Variants in AGPAT4 observed in about 807,000 individuals in gnomAD.
AGPAT4 encodes 1-acylglycerol-3-phosphate O-acyltransferase 4.
A neutral mutation model predicts 48.0 loss-of-function variants in AGPAT4; 15 were observed. The ratio of observed to expected loss-of-function variants is 0.31; its 90% confidence interval spans 0.21 to 0.48. The LOEUF is 0.48. Ranked by LOEUF, AGPAT4 falls within the 20% of genes least tolerant of loss-of-function variation. The pLI, the probability that AGPAT4 is intolerant of heterozygous loss-of-function variation, is 0.99. For missense variants in AGPAT4, 314 were observed against 482.5 expected, an observed-to-expected ratio of 0.65 and a Z score of 3.27; for synonymous variants, 178 against 198.7, an observed-to-expected ratio of 0.90 and a Z score of 0.88.
rs1781762236 is a variant in AGPAT4, at chr6:161,219,849, A to AGAT, written c.178+12184_178+12186dup. 8.7e-6 allele frequency among the ~76,000 whole-genome samples: 1 copy of AGAT among 114,794 alleles called. No individual in the cohort carries two copies. Among genetic ancestry groups the AGAT allele is most frequent in the African/African-American group, 3.7e-5 (1 of 26,946 alleles). 75.3% of individuals were successfully genotyped at this position (114,794 alleles called of 152,430 possible). ...GAGATAGATAGATAGATAGATAGAT[A>AGAT]GATAGATAGATAGATAGATAGATAG... On this transcript the variant is annotated intron_variant, in intron 2 of 8. Coordinates refer to ENST00000320285, the MANE Select transcript of AGPAT4 (RefSeq NM_020133.3). The surrounding 1 kb of genome is among the most constrained non-coding windows in gnomAD (Gnocchi z 4.9).
intron 2 of AGPAT4, among the ~76,000 whole-genome samples, chr6:161,224,133 G>A (rs1349700369): frequency 6.6e-6 from 1 of 152,042 alleles, no homozygotes; most frequent in East Asian, 1.9e-4. Context: ...ATTCCATTTG[G>A]CATGCTGACT....
rs1199703143 is a variant in AGPAT4 at position 161,219,889 on chromosome 6, AGGCAGGCAGGCAGGCAGGCAGGCAGGC to A, written c.178+12120_178+12146del. On this transcript the variant is annotated intron_variant, in intron 2 of 8. Coordinates refer to ENST00000320285, the MANE Select transcript of AGPAT4 (RefSeq NM_020133.3). The surrounding 1 kb of genome is among the most constrained non-coding windows in gnomAD (Gnocchi z 4.9). The stretch of plus-strand genomic sequence containing the variant: ...TAGATAGATAGGCAGGCAGGCAGGC[AGGCAGGCAGGCAGGCAGGCAGGCAGGC>A]GGCAGGCAGGCAGGCAGGCAGGCAG... Among the ~76,000 whole-genome samples, 1 of 134,962 alleles carries A rather than the reference AGGCAGGCAGGCAGGCAGGCAGGCAGGC, an allele frequency of 7.4e-6. No individual in the cohort carries two copies. The highest frequency in any genetic ancestry group is 7.4e-5 in the Admixed American group (1 of 13,434). 88.5% of individuals were successfully genotyped at this position (134,962 alleles called of 152,430 possible).
chr6:161,183,622 G>A (rs1223247634), intron 2 of AGPAT4, among the ~76,000 whole-genome samples: 2 of 132,944 alleles, frequency 1.5e-5, no homozygotes, highest in Non-Finnish European at 3.2e-5. Flanking sequence ...TCTAAGGGAA[G>A]GGAAGGGAGG....
In AGPAT4 at chr6:161,154,203, G is replaced by A; in HGVS notation, c.456C>T (p.Arg152=). The part of the protein sequence containing the change: ...VFCSRKWEQD[R]KTVATSLQHL... ...GCTGCAAACTGGTGGCAACCGTCTT[G>A]CGATCCTGCTCCCACTTGCGCGAAC... The change falls in exon 4 of 9, where the codon CGC becomes CGT. Residue 152 remains arginine, a synonymous_variant. Transcript: ENST00000320285. The surrounding 1 kb of genome is among the most constrained non-coding windows in gnomAD (Gnocchi z 7.8). 2 of 1,614,124 alleles carry A rather than the reference G, an allele frequency of 1.2e-6. No individual in the cohort carries two copies. The highest frequency in any genetic ancestry group is 2.2e-5 in the South Asian group (2 of 91,056).
chr6:161,153,963 C>T (rs1779683157), intron 4 of AGPAT4, 186 bp downstream of exon 4: 3 of 768,740 alleles, frequency 3.9e-6, no homozygotes, highest in Non-Finnish European at 4.2e-6. Context: ...TCATACGTGG[C>T]CCCACGGTCA....
chr6:161,267,031 A>G lies in AGPAT4; in HGVS notation c.-90+6907T>C, dbSNP rs772813760. 6.6e-6 allele frequency among the ~76,000 whole-genome samples: 1 copy of G among 152,196 alleles called. No homozygotes were observed. The highest frequency in any genetic ancestry group is 1.5e-5 in the Non-Finnish European group (1 of 68,030). On this transcript the variant is annotated intron_variant, in intron 1 of 8. Transcript: ENST00000320285. This position sits in a 1 kb window ranked among gnomAD's most constrained non-coding sequence, Gnocchi z 5.2. ...TGTGGAAAGTCCACTGAAGAACAGAAAGCCTCTGACTCCATCCACCCACCG... is the reference window on the plus strand; with the variant it reads ...TGTGGAAAGTCCACTGAAGAACAGAGAGCCTCTGACTCCATCCACCCACCG...
At chr6:161,160,874 G>A in intron 3 of AGPAT4, 1 of 398,216 alleles carries the variant, frequency 2.5e-6, no homozygotes, top group Non-Finnish European at 5.1e-6. Flanking sequence ...AGGGGTAGGT[G>A]GGAAAACAGG....
At position 161,272,865 on chromosome 6, in the gene AGPAT4, T is replaced by A. The variant is rs1321849; in HGVS notation, c.-90+1073A>T. Among the ~76,000 whole-genome samples, 1,536 of 152,058 alleles carry A rather than the reference T, an allele frequency of 0.01. 32 individuals are homozygous for A. Among genetic ancestry groups the A allele is most frequent in the African/African-American group, 0.035 (1,438 of 41,462 alleles). On this transcript the variant is annotated intron_variant, in intron 1 of 8. Coordinates refer to ENST00000320285, the MANE Select transcript of AGPAT4 (RefSeq NM_020133.3). This position sits in a 1 kb window ranked among gnomAD's most constrained non-coding sequence, Gnocchi z 4.2. Reference sequence around the variant, plus strand: ...CTCACCTTGAAGAGAGTGAATAGCGTGGCTAATCCATCTAAGAACAATGCA... The same window carrying A: ...CTCACCTTGAAGAGAGTGAATAGCGAGGCTAATCCATCTAAGAACAATGCA...
At chr6:161,213,522 C>CT (rs34027731) in intron 2 of AGPAT4, among the ~76,000 whole-genome samples, 1 of 152,078 alleles carries the variant, frequency 6.6e-6, no homozygotes, top group Non-Finnish European at 1.5e-5. Context: ...TTGTTCCTTC[C>CT]TTTTTTTCCC....
In AGPAT4 at chr6:161,149,156, T is replaced by C. The variant is rs754317403; in HGVS notation, c.767+31A>G. 6.2e-7 allele frequency: 1 copy of C among 1,605,530 alleles called. No individual in the cohort carries two copies. Among genetic ancestry groups the C allele is most frequent in the East Asian group, 2.2e-5 (1 of 44,842 alleles). On this transcript the variant is annotated intron_variant, in intron 6 of 8. Transcript: ENST00000320285. The surrounding 1 kb of genome is among the most constrained non-coding windows in gnomAD (Gnocchi z 6.5). ...TGTGTTTACTTTGAAATGGGCACTG[T>C]CTTTTCTGGAAAGGAAACAGTTCGA...
At position 161,188,903 on chromosome 6, in the gene AGPAT4, G is replaced by C. The variant is rs1381826290; in HGVS notation, c.179-22486C>G. Among the ~76,000 whole-genome samples the C allele has an allele frequency of 3.9e-5, 6 of 152,310 alleles. No homozygotes were observed. In the East Asian group the frequency reaches 7.7e-4, roughly 20 times the overall value. On this transcript the variant is annotated intron_variant, in intron 2 of 8. Coordinates refer to ENST00000320285, the MANE Select transcript of AGPAT4 (RefSeq NM_020133.3). The stretch of plus-strand genomic sequence containing the variant: ...TTTCACCAATGGCAAATGGAAGAGA[G>C]ATGGCTTTCCCAAGGTCATGCCCAT...
rs940519 is a variant in AGPAT4 at position 161,165,625 on chromosome 6, C to T, written c.348+623G>A. The T allele has an allele frequency of 4.3e-4, 565 of 1,302,886 alleles. No individual in the cohort carries two copies. Among genetic ancestry groups the T allele is most frequent in the Non-Finnish European group, 5.4e-4 (536 of 988,942 alleles). The allele number at this position is 1,302,886 out of a possible 1,614,324, so 80.7% of individuals were successfully genotyped here. ...TTCAGCTATGTGACACAGGCTCAACCGCTACACGCTGCAGTGTGTTGAAGA... is the reference window on the plus strand; with the variant it reads ...TTCAGCTATGTGACACAGGCTCAACTGCTACACGCTGCAGTGTGTTGAAGA... On this transcript the variant is annotated intron_variant, in intron 3 of 8. Transcript: ENST00000320285. This position sits in a 1 kb window ranked among gnomAD's most constrained non-coding sequence, Gnocchi z 5.5.
At position 161,242,557 on chromosome 6, in the gene AGPAT4, G is replaced by C. The variant is rs1782523347; in HGVS notation, c.-89-10255C>G. Reference sequence around the variant, plus strand: ...CCTCAGAGTAGGTACACATTCTGAGGGTGCCAGCTGGCTAGATGCATTTCC... The same window carrying C: ...CCTCAGAGTAGGTACACATTCTGAGCGTGCCAGCTGGCTAGATGCATTTCC... On this transcript the variant is annotated intron_variant, in intron 1 of 8. Coordinates refer to ENST00000320285, the MANE Select transcript of AGPAT4 (RefSeq NM_020133.3). The surrounding 1 kb of genome is among the most constrained non-coding windows in gnomAD (Gnocchi z 5.0). 6.6e-6 allele frequency among the ~76,000 whole-genome samples: 1 copy of C among 152,084 alleles called. No individual in the cohort carries two copies. Among genetic ancestry groups the C allele is most frequent in the Non-Finnish European group, 1.5e-5 (1 of 68,022 alleles).
At chr6:161,258,831 C>G (rs2114746106) in intron 1 of AGPAT4, among the ~76,000 whole-genome samples, 1 of 150,460 alleles carries the variant, frequency 6.6e-6, no homozygotes, top group African/African-American at 2.5e-5. Context: ...GAGTCTCACT[C>G]TATCGCCCAG....
chr6:161,179,483 G>A (rs1780526333), intron 2 of AGPAT4, among the ~76,000 whole-genome samples: 1 of 152,226 alleles, frequency 6.6e-6, no homozygotes, highest in African/African-American at 2.4e-5. Context: ...AAGGTTTGGT[G>A]TGAAGAGCAG....
At position 161,214,154 on chromosome 6, in the gene AGPAT4, C is replaced by G. The variant is rs2115020682; in HGVS notation, c.178+17882G>C. On this transcript the variant is annotated intron_variant, in intron 2 of 8. Coordinates refer to ENST00000320285, the MANE Select transcript of AGPAT4 (RefSeq NM_020133.3). The surrounding 1 kb of genome is among the most constrained non-coding windows in gnomAD (Gnocchi z 5.4). ...TCACCTACCTGTGACCTGGAAGCCC[C>G]TCTCCTTCGAGTTGTCCTGCCTTTC... Among the ~76,000 whole-genome samples the G allele has an allele frequency of 6.6e-6, 1 of 152,302 alleles. No homozygotes were observed. Among genetic ancestry groups the G allele is most frequent in the East Asian group, 1.9e-4 (1 of 5,180 alleles).
chr6:161,258,141 T>G (rs1457713264), intron 1 of AGPAT4, among the ~76,000 whole-genome samples: 1 of 152,204 alleles, frequency 6.6e-6, no homozygotes, highest in Non-Finnish European at 1.5e-5. Flanking sequence ...ATTTTACTTA[T>G]CTCCAGTCTT....
intron 2 of AGPAT4, among the ~76,000 whole-genome samples, chr6:161,209,696 G>C (rs1035923317): frequency 6.6e-6 from 1 of 152,202 alleles, no homozygotes; most frequent in African/African-American, 2.4e-5. Context: ...AGCCCCAAAA[G>C]AGCACGGAAT....
Position 161,194,648 on chromosome 6 carries a change from A to G in AGPAT4, c.179-28231T>C, listed in dbSNP as rs191752448. Among the ~76,000 whole-genome samples the G allele has an allele frequency of 8.6e-5, 13 of 151,316 alleles. 1 individual carries two copies. Among genetic ancestry groups the G allele is most frequent in the Admixed American group, 5.3e-4 (8 of 15,164 alleles). On this transcript the variant is annotated intron_variant, in intron 2 of 8. Transcript: ENST00000320285. ...TGTGTATGTGTATGTGTGTATGTGT[A>G]TGTATGTATGTGTATGTGTGTATAG... is the stretch of plus-strand genomic sequence containing the variant.
Sources: gnomAD v4.1 joint callset for allele counts (sites outside exome capture counted in the v4.1 genomes callset) on GRCh38, gnomAD v4.1.1 for gene constraint, Gnocchi (gnomAD v3.1) non-coding constraint, MANE v1.5 for transcripts, NCBI Gene and HGNC (gene_info 2026-07-23, HGNC 2026-07-21) for gene names.